Variants in TDRD3 observed in about 807,000 individuals in gnomAD.
TDRD3 encodes the protein tudor domain containing 3, also known as tudor domain-containing protein 3.
Under a neutral mutation model 86.7 loss-of-function variants are expected in TDRD3, and 45 were observed. The observed-to-expected ratio is 0.52, with a 90% CI of 0.41 to 0.67. The LOEUF (loss-of-function observed/expected upper bound fraction) is 0.67. Among genes scored for constraint, TDRD3 ranks in the 30% least tolerant of loss-of-function variants. The probability of loss-of-function intolerance (pLI) is 0.00; values close to 1 mark genes in which losing one functional copy is unlikely to be tolerated. For missense variants in TDRD3, 814 were observed against 889.0 expected (o/e 0.92, Z 1.07); for synonymous variants, 298 against 301.7 (o/e 0.99, Z 0.13).
chr13:60,479,402 G>T (rs968412007), intron 5 of TDRD3, among the ~76,000 whole-genome samples: 5 of 152,300 alleles, frequency 3.3e-5, no homozygotes, highest in African/African-American at 1.2e-4. Context: ...ATGGAGACTT[G>T]CTCTGTGGCC....
chr13:60,489,691 G>T (rs1186396137), intron 7 of TDRD3, among the ~76,000 whole-genome samples: 2 of 151,986 alleles, frequency 1.3e-5, no homozygotes, highest in East Asian at 3.8e-4. Flanking sequence ...CAGTAAACAC[G>T]ACTATTGCTA....
At chr13:60,524,777 A>G (rs1040248915) in intron 10 of TDRD3, among the ~76,000 whole-genome samples, 4 of 152,010 alleles carry the variant, frequency 2.6e-5, no homozygotes, top group South Asian at 2.1e-4. Flanking sequence ...AATGAAATGG[A>G]TATATATGAA....
intron 12 of TDRD3, chr13:60,547,121 T>A (rs1957956704): frequency 2.6e-6 from 1 of 385,716 alleles, no homozygotes; most frequent in African/African-American, 2.2e-5. Context: ...TAAAAAATGT[T>A]TTATATTCTG....
chr13:60,572,237 G>A (rs1226364760), intron 13 of TDRD3, among the ~76,000 whole-genome samples: 12 of 152,172 alleles, frequency 7.9e-5, no homozygotes, highest in Non-Finnish European at 5.9e-5. Context: ...CACAGCAAGT[G>A]GCTCTCAGTG....
At chr13:60,517,294 T>C (rs868831968) in intron 10 of TDRD3, among the ~76,000 whole-genome samples, 23 of 152,228 alleles carry the variant, frequency 1.5e-4, no homozygotes, top group African/African-American at 5.1e-4. Flanking sequence ...GAATGTAATA[T>C]AATGGTAATA....
intron 5 of TDRD3, among the ~76,000 whole-genome samples, chr13:60,470,514 A>C (rs980207995): frequency 6.6e-6 from 1 of 151,426 alleles, no homozygotes; most frequent in African/African-American, 2.4e-5. Context: ...TTACATCCTC[A>C]CCAACGGTTG....
chr13:60,553,006 C>G (rs1958101502), intron 12 of TDRD3, among the ~76,000 whole-genome samples: 1 of 152,190 alleles, frequency 6.6e-6, no homozygotes, highest in South Asian at 2.1e-4. Context: ...TCAAAGATCT[C>G]TGAAATGCCC....
intron 1 of TDRD3, among the ~76,000 whole-genome samples, chr13:60,419,444 G>A (rs1047404706): frequency 6.6e-6 from 1 of 152,158 alleles, no homozygotes; most frequent in African/African-American, 2.4e-5. Context: ...GGAATACTAT[G>A]CAGCCATAAA....
chr13:60,471,751 G>A (rs1443387974), intron 5 of TDRD3, among the ~76,000 whole-genome samples: 1 of 151,190 alleles, frequency 6.6e-6, no homozygotes, highest in Non-Finnish European at 1.5e-5. Flanking sequence ...TATTCTAACA[G>A]TTTTTTTTTC....
chr13:60,519,211 A>G (rs1957236359), intron 10 of TDRD3, among the ~76,000 whole-genome samples: 1 of 152,152 alleles, frequency 6.6e-6, no homozygotes, highest in African/African-American at 2.4e-5. Flanking sequence ...ATTAACCATA[A>G]GATAAAATAA....
At chr13:60,494,404 T>A (rs765032100) in intron 7 of TDRD3, 31 bp from the exon 8 acceptor site, 1 of 1,591,126 alleles carries the variant, frequency 6.3e-7, no homozygotes, top group Non-Finnish European at 8.6e-7. Flanking sequence ...GCTGTCTACA[T>A]ACCTCTCTTT....
chr13:60,425,702 G>A (rs987886762), intron 1 of TDRD3, among the ~76,000 whole-genome samples: 1 of 151,904 alleles, frequency 6.6e-6, no homozygotes, highest in African/African-American at 2.4e-5. Context: ...TCACTTATAC[G>A]TGGATTTTCT....
intron 10 of TDRD3, among the ~76,000 whole-genome samples, chr13:60,520,877 G>A (rs766556320): frequency 6.6e-6 from 1 of 152,144 alleles, no homozygotes; most frequent in East Asian, 1.9e-4. Flanking sequence ...AATTCCAAAC[G>A]CTTTGTTTGG....
At chr13:60,509,961 T>C (rs764914707) in intron 9 of TDRD3, 42 bp downstream of exon 9, 1 of 1,595,006 alleles carries the variant, frequency 6.3e-7, no homozygotes, top group Non-Finnish European at 8.5e-7. Flanking sequence ...ATTGTTTGCT[T>C]TTCAGAGTAA....
Position 60,565,041 on chromosome 13 carries a change from CTTTTTTTTTTTTTT to C in TDRD3, c.2119-2465_2119-2452del, listed in dbSNP as rs869194148. On this transcript the variant is annotated intron_variant, in intron 12 of 13. Coordinates refer to ENST00000377881, the MANE Select transcript of TDRD3 (RefSeq NM_001146070.2). ...GAACTGAAAACCAAACTATCAGTATCTTTTTTTTTTTTTTTTTTTTTTTTTTTTTTTTGAGACGG... is the reference window on the plus strand; with the variant it reads ...GAACTGAAAACCAAACTATCAGTATCTTTTTTTTTTTTTTTTTTGAGACGG... Among the ~76,000 whole-genome samples, 90 of 70,882 alleles carry C rather than the reference CTTTTTTTTTTTTTT, an allele frequency of 1.3e-3. 1 individual carries two copies. The highest frequency in any genetic ancestry group is 4.6e-3 in the African/African-American group (75 of 16,186). 46.5% of individuals were successfully genotyped at this position (70,882 alleles called of 152,430 possible).
chr13:60,476,115 A>G (rs1956181512), intron 5 of TDRD3, among the ~76,000 whole-genome samples: 1 of 152,106 alleles, frequency 6.6e-6, no homozygotes, highest in South Asian at 2.1e-4. Context: ...TTCTTTGCCA[A>G]GGCTAGTCTC....
chr13:60,512,788 T>G (rs1366302548), intron 10 of TDRD3, among the ~76,000 whole-genome samples: 2 of 152,184 alleles, frequency 1.3e-5, no homozygotes, highest in Non-Finnish European at 2.9e-5. Context: ...TCTGTGACTT[T>G]GCAGGATACA....
intron 1 of TDRD3, among the ~76,000 whole-genome samples, chr13:60,406,044 C>T (rs11843885): frequency 0.2 from 30,151 of 152,048 alleles, 3,622 homozygotes; most frequent in South Asian, 0.29. Context: ...TGTTAGAAGA[C>T]GGTCGCATTT....
intron 8 of TDRD3, among the ~76,000 whole-genome samples, chr13:60,496,619 G>A (rs562222146): frequency 2.6e-5 from 4 of 152,056 alleles, no homozygotes; most frequent in South Asian, 2.1e-4. Flanking sequence ...AAGGAGTTTA[G>A]TGACTCTATA....
Sources: allele counts gnomAD v4.1 joint callset (sites outside exome capture counted in the v4.1 genomes callset), GRCh38; gene constraint gnomAD v4.1.1; transcripts MANE v1.5; gene names NCBI Gene and HGNC (gene_info 2026-07-23, HGNC 2026-07-21).